SHROOM3: variants seen among roughly 807,000 people sequenced by gnomAD.
The protein encoded by SHROOM3 is shroom family member 3, also known as protein Shroom3.
Under a neutral mutation model 138.6 loss-of-function variants are expected in SHROOM3, and 47 were observed. The observed-to-expected ratio is 0.34, with a 90% CI of 0.27 to 0.43. The LOEUF (loss-of-function observed/expected upper bound fraction) is 0.43. SHROOM3 is among the 20% of genes least tolerant of loss of function. The pLI, the probability that SHROOM3 is intolerant of heterozygous loss-of-function variation, is 1.00. For synonymous variants in SHROOM3, 1,062 were observed against 1,063.3 expected (o/e 1.00, Z 0.02); for missense variants, 2,491 against 2,596.5 (o/e 0.96, Z 0.88).
intron 1 of SHROOM3, among the ~76,000 whole-genome samples, chr4:76,456,799 G>A (rs1485014265): frequency 6.6e-6 from 1 of 152,190 alleles, no homozygotes; most frequent in African/African-American, 2.4e-5. Context: ...GGCTGAGTCC[G>A]AAAAGAGAGT....
At position 76,586,563 on chromosome 4, in the gene SHROOM3, G is replaced by A. The variant is rs139567899; in HGVS notation, c.323+30800G>A. 418 of 845,146 alleles carry A rather than the reference G, an allele frequency of 4.9e-4. 2 individuals carry two copies. The African/African-American group carries it at 7.3e-3, about 15-fold the overall frequency. The allele number at this position is 845,146 out of a possible 1,614,324, so 52.4% of individuals were successfully genotyped here. Reference sequence around the variant, plus strand: ...GCATTGGGAAGGTAAACTAAAGAGAGGTAGGGAAGTTGTTCAAGTTAGGCC... The same window carrying A: ...GCATTGGGAAGGTAAACTAAAGAGAAGTAGGGAAGTTGTTCAAGTTAGGCC... On this transcript the variant is annotated intron_variant, in intron 2 of 10. Transcript: ENST00000296043.
intron 2 of SHROOM3, among the ~76,000 whole-genome samples, chr4:76,630,845 C>A (rs1735294884): frequency 1.3e-5 from 2 of 152,174 alleles, no homozygotes; most frequent in Admixed American, 1.3e-4. Context: ...GAATTTACCC[C>A]AAGTGCCAGC....
intron 1 of SHROOM3, among the ~76,000 whole-genome samples, chr4:76,522,906 GT>G (rs1428927178): frequency 6.6e-6 from 1 of 152,044 alleles, no homozygotes; most frequent in Non-Finnish European, 1.5e-5. Context: ...TTCTATTAAT[GT>G]CTATATGAGC....
intron 1 of SHROOM3, among the ~76,000 whole-genome samples, chr4:76,513,037 T>G (rs1476201652): frequency 1.3e-5 from 2 of 152,166 alleles, no homozygotes; most frequent in Admixed American, 1.3e-4. Flanking sequence ...GCCATGGTGC[T>G]AAGTCACCCT....
chr4:76,726,529 A>C (rs1577998522), intron 3 of SHROOM3, among the ~76,000 whole-genome samples: 6 of 93,020 alleles, frequency 6.5e-5, no homozygotes, highest in South Asian at 3.4e-4. Context: ...CTCCACTCCC[A>C]TCCCCTCCAT....
At chr4:76,763,138 C>T (rs1306547996) in intron 9 of SHROOM3, among the ~76,000 whole-genome samples, 1 of 152,132 alleles carries the variant, frequency 6.6e-6, no homozygotes, top group Non-Finnish European at 1.5e-5. Flanking sequence ...GTAATCCCAG[C>T]ACTTTGGGAG....
chr4:76,512,985 T>A (rs950773705), intron 1 of SHROOM3, among the ~76,000 whole-genome samples: 3 of 152,214 alleles, frequency 2.0e-5, no homozygotes, highest in African/African-American at 7.2e-5. Context: ...TGAGCAAGTC[T>A]TGTGAATTGC....
intron 1 of SHROOM3, among the ~76,000 whole-genome samples, chr4:76,524,586 A>G (rs770062792): frequency 2.6e-5 from 4 of 152,196 alleles, no homozygotes; most frequent in Non-Finnish European, 4.4e-5. Flanking sequence ...TCCCTGCTGC[A>G]TCCTCCAGGC....
chr4:76,700,243 T>A (rs1249695328), intron 2 of SHROOM3, among the ~76,000 whole-genome samples: 1 of 152,194 alleles, frequency 6.6e-6, no homozygotes, highest in East Asian at 1.9e-4. Flanking sequence ...TTCCTGCACT[T>A]CTTTGAGTCT....
At chr4:76,752,666 G>A (rs1021214899) in intron 6 of SHROOM3, among the ~76,000 whole-genome samples, 9 of 151,754 alleles carry the variant, frequency 5.9e-5, no homozygotes, top group African/African-American at 1.7e-4. Context: ...TAATCACCAC[G>A]GAGAAGCATT....
At chr4:76,537,179 G>T (rs1732971151) in intron 1 of SHROOM3, among the ~76,000 whole-genome samples, 1 of 152,114 alleles carries the variant, frequency 6.6e-6, no homozygotes, top group South Asian at 2.1e-4. Context: ...GCTACTGAGA[G>T]GGAGGTATTT....
intron 1 of SHROOM3, among the ~76,000 whole-genome samples, chr4:76,551,192 A>T (rs932726558): frequency 6.6e-6 from 1 of 151,966 alleles, no homozygotes; most frequent in African/African-American, 2.4e-5. Context: ...TGCAGTGCAA[A>T]ACGAAGAGAT....
Sources: gnomAD v4.1 joint callset for allele counts (sites outside exome capture counted in the v4.1 genomes callset) on GRCh38, gnomAD v4.1.1 for gene constraint, MANE v1.5 for transcripts, NCBI Gene and HGNC (gene_info 2026-07-23, HGNC 2026-07-21) for gene names.